BICDL1: variants seen among roughly 807,000 people sequenced by gnomAD.
The protein encoded by BICDL1 is BICD family like cargo adaptor 1.
BICDL1 carries 20 observed loss-of-function variants against 76.8 expected under a neutral mutation model. The ratio of observed to expected loss-of-function variants is 0.26; its 90% CI spans 0.18 to 0.38. BICDL1 has a LOEUF of 0.38. BICDL1 is among the 10% of genes least tolerant of loss of function. The pLI is 1.00. For missense variants in BICDL1, 700 were observed against 798.6 expected (o/e 0.88, Z 1.49); for synonymous variants, 383 against 337.1 (o/e 1.14, Z -1.49).
In BICDL1 at chr12:120,080,914, G is replaced by A. The variant is rs1566266119; in HGVS notation, c.1480G>A (p.Ala494Thr). 2 of 1,613,580 alleles carry A rather than the reference G, an allele frequency of 1.2e-6. No individual in the cohort carries two copies. Among genetic ancestry groups the A allele is most frequent in the Admixed American group, 1.7e-5 (1 of 59,980 alleles). The change falls in exon 8 of 10, where the codon GCC becomes ACC. Residue 494 changes from alanine (A) to threonine (T), a missense_variant. Around this residue, in one of 3 missense-constraint regions of BICDL1, gnomAD observed 455 missense variants for 548.7 expected, o/e 0.83. Coordinates refer to ENST00000548673, the MANE Select transcript of BICDL1 (RefSeq NM_001367886.1). ...GACACTGCTGAGTGTGGAGATGACT[G>A]CCCTAAAAGAGGAGAGAGACCGACT... ...QVTLLSVEMT[A>T]LKEERDRLRV...
chr12:120,087,579 C>G (rs1043776325), intron 8 of BICDL1, among the ~76,000 whole-genome samples: 3 of 152,310 alleles, frequency 2.0e-5, no homozygotes, highest in East Asian at 1.9e-4. Flanking sequence ...GTCGCTGGCC[C>G]TGTACAAGGA....
chr12:120,003,670 A>G (rs1283600661), intron 2 of BICDL1, among the ~76,000 whole-genome samples: 4 of 152,244 alleles, frequency 2.6e-5, no homozygotes, highest in South Asian at 2.1e-4. Context: ...CCAGTCTTCA[A>G]TGAATTGAGA....
intron 8 of BICDL1, among the ~76,000 whole-genome samples, chr12:120,081,908 C>T (rs551380160): frequency 5.6e-4 from 83 of 148,332 alleles, no homozygotes; most frequent in Non-Finnish European, 1.0e-3. Context: ...CTTCAGTATA[C>T]ATCTCTACCA....
At chr12:120,062,458 T>A (rs1269602911) in intron 3 of BICDL1, among the ~76,000 whole-genome samples, 1 of 152,030 alleles carries the variant, frequency 6.6e-6, no homozygotes, top group Non-Finnish European at 1.5e-5. Context: ...TTCCACCTGG[T>A]CTGCTTTTGA....
rs980497031 is a variant in BICDL1, at chr12:120,093,313, C to G, written c.*152C>G. 11 of 881,112 alleles carry G rather than the reference C, an allele frequency of 1.2e-5. No individual in the cohort carries two copies. The highest frequency in any genetic ancestry group is 1.7e-5 in the Non-Finnish European group (10 of 587,720). 54.6% of individuals were successfully genotyped at this position (881,112 alleles called of 1,614,324 possible). Reference sequence around the variant, plus strand: ...TCCGGGAGGGCCTGCTCCCTTTCGTCGGTGGGGATGGAGACCTAGAGGTGG... The same window carrying G: ...TCCGGGAGGGCCTGCTCCCTTTCGTGGGTGGGGATGGAGACCTAGAGGTGG... On this transcript the variant is annotated 3_prime_UTR_variant, in exon 10 of 10. Transcript: ENST00000548673.
rs1875151787 is a variant in BICDL1 at position 120,093,374 on chromosome 12, C to T, written c.*213C>T. The T allele has an allele frequency of 3.3e-6, 2 of 598,270 alleles. No homozygotes were observed. The highest frequency in any genetic ancestry group is 5.8e-6 in the Non-Finnish European group (2 of 346,416). 37.1% of individuals were successfully genotyped at this position (598,270 alleles called of 1,614,324 possible). A position where few individuals can be genotyped will look rare whatever the true frequency, so the allele number is the denominator to read the frequency against. ...TGGCCACTGAAGGCTTCCCTTGGCCCACCGCCTGGCCAAGCCCACGCCTGG... is the reference window on the plus strand; with the variant it reads ...TGGCCACTGAAGGCTTCCCTTGGCCTACCGCCTGGCCAAGCCCACGCCTGG... On this transcript the variant is annotated 3_prime_UTR_variant, in exon 10 of 10. Transcript: ENST00000548673.
chr12:120,077,237 A>G (rs1873621103), intron 7 of BICDL1, among the ~76,000 whole-genome samples: 2 of 152,196 alleles, frequency 1.3e-5, no homozygotes, highest in African/African-American at 4.8e-5. Context: ...ACCGGTAATT[A>G]TTTTTTAGAA....
intron 6 of BICDL1, among the ~76,000 whole-genome samples, chr12:120,073,100 T>C (rs1873238349): frequency 6.6e-6 from 1 of 152,180 alleles, no homozygotes; most frequent in Non-Finnish European, 1.5e-5. Flanking sequence ...GTTTTAACTC[T>C]TGACCTCAAG....
At chr12:120,083,407 C>T (rs982700108) in intron 8 of BICDL1, among the ~76,000 whole-genome samples, 6 of 151,520 alleles carry the variant, frequency 4.0e-5, no homozygotes, top group African/African-American at 9.7e-5. Flanking sequence ...TACAGGTGCA[C>T]GCCACCACAC....
intron 2 of BICDL1, among the ~76,000 whole-genome samples, chr12:120,001,890 A>G (rs1004232943): frequency 1.3e-5 from 2 of 152,188 alleles, no homozygotes; most frequent in African/African-American, 4.8e-5. Context: ...TCTTTACAAA[A>G]AAAATGTTTT....
intron 2 of BICDL1, among the ~76,000 whole-genome samples, chr12:120,013,436 C>CGG (rs1555282696): frequency 3.3e-5 from 4 of 120,034 alleles, no homozygotes; most frequent in Admixed American, 2.6e-4. Flanking sequence ...TGTCTTTAAC[C>CGG]AGAGTGTGTG....
intron 2 of BICDL1, among the ~76,000 whole-genome samples, chr12:120,021,022 C>G (rs1290512160): frequency 6.6e-6 from 1 of 152,170 alleles, no homozygotes; most frequent in Non-Finnish European, 1.5e-5. Flanking sequence ...GGTGTCTACA[C>G]CTGTAATCCC....
intron 8 of BICDL1, among the ~76,000 whole-genome samples, chr12:120,084,764 C>T (rs551618884): frequency 6.6e-6 from 1 of 151,988 alleles, no homozygotes; most frequent in Non-Finnish European, 1.5e-5. Context: ...GTGGCAGGCG[C>T]CTGTAATCCC....
At position 119,996,684 on chromosome 12, in the gene BICDL1, ACACAC is replaced by A. The variant is rs1951653856; in HGVS notation, c.430-1836_430-1832del. On this transcript the variant is annotated intron_variant, in intron 1 of 9. Coordinates refer to ENST00000548673, the MANE Select transcript of BICDL1 (RefSeq NM_001367886.1). The stretch of plus-strand genomic sequence containing the variant: ...CCAGTATATATACATATACAGATAC[ACACAC>A]ACACACACACACACGCATAGATGCC... Among the ~76,000 whole-genome samples the A allele has an allele frequency of 4.6e-4, 32 of 69,702 alleles. No homozygotes were observed. In the African/African-American group the frequency reaches 5.6e-3, roughly 12 times the overall value. The allele number at this position is 69,702 out of a possible 152,430, so 45.7% of individuals were successfully genotyped here. A position where few individuals can be genotyped will look rare whatever the true frequency, so the allele number is the denominator to read the frequency against.
rs1462307452 is a variant in BICDL1, at chr12:119,997,147, C to T, written c.430-1374C>T. ...ATTTTTAGTAGAGATCAGGTTTCAC[C>T]GTGTTAACCAGGATGGTCTCGATCT... On this transcript the variant is annotated intron_variant, in intron 1 of 9. Coordinates refer to ENST00000548673, the MANE Select transcript of BICDL1 (RefSeq NM_001367886.1). Among the ~76,000 whole-genome samples the T allele has an allele frequency of 4.6e-5, 7 of 152,188 alleles. No individual in the cohort carries two copies. The East Asian group carries it at 1.2e-3, about 25-fold the overall frequency.
intron 2 of BICDL1, among the ~76,000 whole-genome samples, chr12:120,008,160 T>C (rs1329626053): frequency 1.5e-5 from 2 of 137,144 alleles, no homozygotes; most frequent in Non-Finnish European, 3.1e-5. Context: ...CTTTTTTTTT[T>C]TTTTTTTTTT....
In BICDL1 at chr12:119,989,737, G is replaced by C; in HGVS notation, c.-132G>C. On this transcript the variant is annotated 5_prime_UTR_variant, in exon 1 of 10. Transcript: ENST00000548673. ...GGCGCGCGCCGCGCCCAGGGCTCGC[G>C]GGGACCCGGGGGCGCGTGCCGCGGC... 4.7e-6 allele frequency: 1 copy of C among 213,192 alleles called. No homozygotes were observed. Among genetic ancestry groups the C allele is most frequent in the Non-Finnish European group, 7.8e-6 (1 of 127,648 alleles). The allele number at this position is 213,192 out of a possible 1,614,324, so 13.2% of individuals were successfully genotyped here. A position where few individuals can be genotyped will look rare whatever the true frequency, so the allele number is the denominator to read the frequency against.
intron 2 of BICDL1, among the ~76,000 whole-genome samples, chr12:120,044,883 G>A (rs1555287964): frequency 1.3e-5 from 2 of 152,232 alleles, no homozygotes; most frequent in South Asian, 2.1e-4. Context: ...TTGACTTGGC[G>A]ATGCGGGCTC....
chr12:119,991,144 A>C (rs1045308129), intron 1 of BICDL1, among the ~76,000 whole-genome samples: 5 of 151,914 alleles, frequency 3.3e-5, no homozygotes, highest in African/African-American at 1.2e-4. Flanking sequence ...ATTAGATTGC[A>C]AAAAAAAGGG....
Sources: gnomAD v4.1 joint callset for allele counts (sites outside exome capture counted in the v4.1 genomes callset) on GRCh38, gnomAD v4.1.1 for gene constraint, gnomAD v4.1.1 regional missense constraint, MANE v1.5 for transcripts, NCBI Gene and HGNC (gene_info 2026-07-23, HGNC 2026-07-21) for gene names.